The following ATL1 variants were observed in gnomAD, a reference collection of about 807,000 sequenced individuals.
ATL1 encodes the protein atlastin-1.
A neutral mutation model predicts 75.5 loss-of-function variants in ATL1; 31 were observed. That is an observed-to-expected ratio of 0.41 (90% CI 0.31 to 0.55). The LOEUF (loss-of-function observed/expected upper bound fraction) is 0.55. Ranked by LOEUF, ATL1 falls within the 20% of genes least tolerant of loss-of-function variation. The pLI is 0.27. For synonymous variants in ATL1, 226 were observed against 233.3 expected (o/e 0.97, Z 0.28); for missense variants, 405 against 662.6 (o/e 0.61, Z 4.27).
At chr14:50,586,653 G>A (rs541653680) in intron 1 of ATL1, among the ~76,000 whole-genome samples, 13 of 152,196 alleles carry the variant, frequency 8.5e-5, no homozygotes, top group African/African-American at 2.6e-4. Flanking sequence ...TAAAGCAAAC[G>A]AGCCTATGTA....
At chr14:50,586,901 G>A (rs537656513) in intron 1 of ATL1, among the ~76,000 whole-genome samples, 43 of 152,130 alleles carry the variant, frequency 2.8e-4, no homozygotes, top group Admixed American at 1.0e-3. Context: ...AATAAATACC[G>A]TACTGGAACA....
intron 13 of ATL1, among the ~76,000 whole-genome samples, chr14:50,630,401 A>C (rs2039568643): frequency 6.6e-6 from 1 of 152,238 alleles, no homozygotes; most frequent in Non-Finnish European, 1.5e-5. Context: ...CAACCTTTAG[A>C]AGTTGTTTTC....
intron 4 of ATL1, among the ~76,000 whole-genome samples, chr14:50,592,925 A>AT (rs1555364081): frequency 3.8e-4 from 40 of 104,616 alleles, no homozygotes; most frequent in African/African-American, 1.5e-3. Flanking sequence ...AAAAAAAAAA[A>AT]AAAAATATAT....
At chr14:50,564,570 A>G (rs1595582913) in intron 1 of ATL1, among the ~76,000 whole-genome samples, 1 of 142,706 alleles carries the variant, frequency 7.0e-6, no homozygotes, top group East Asian at 2.1e-4. Context: ...AATCGCTTGA[A>G]CCCGGGAGGC....
At chr14:50,573,028 A>G (rs1452188312) in intron 1 of ATL1, among the ~76,000 whole-genome samples, 1 of 152,088 alleles carries the variant, frequency 6.6e-6, no homozygotes, top group Admixed American at 6.6e-5. Flanking sequence ...CCCTTACAAA[A>G]CCATCAGATC....
At chr14:50,542,201 T>C (rs892310124) in intron 1 of ATL1, among the ~76,000 whole-genome samples, 3 of 149,558 alleles carry the variant, frequency 2.0e-5, no homozygotes, top group Admixed American at 1.4e-4. Context: ...TTACCCTGCA[T>C]GTTCTCACTC....
At position 50,632,386 on chromosome 14, in the gene ATL1, A is replaced by G; in HGVS notation, c.*47A>G. On this transcript the variant is annotated 3_prime_UTR_variant, in exon 14 of 14. Transcript: ENST00000358385. ...GTGCATGACCAATTGTCAATTAAAT[A>G]TTCAGTTTTATGTCTCCATGCAAAC... The G allele has an allele frequency of 6.3e-6, 8 of 1,268,716 alleles. No individual in the cohort carries two copies. The highest frequency in any genetic ancestry group is 9.1e-6 in the Non-Finnish European group (8 of 874,536). The allele number at this position is 1,268,716 out of a possible 1,614,324, so 78.6% of individuals were successfully genotyped here.
intron 1 of ATL1, among the ~76,000 whole-genome samples, chr14:50,539,875 G>C (rs1160777141): frequency 6.6e-6 from 1 of 152,068 alleles, no homozygotes; most frequent in Non-Finnish European, 1.5e-5. Flanking sequence ...GAATTTCCCT[G>C]GCATACTGTA....
intron 1 of ATL1, chr14:50,542,564 A>G (rs2038579276): frequency 6.6e-6 from 1 of 152,246 alleles, no homozygotes; most frequent in South Asian, 2.1e-4. Context: ...AAGAGTATAC[A>G]CTGAGGTGGC....
intron 8 of ATL1, among the ~76,000 whole-genome samples, chr14:50,615,713 T>G (rs2039408443): frequency 6.6e-6 from 1 of 152,308 alleles, no homozygotes; most frequent in Non-Finnish European, 1.5e-5. Context: ...ATTGTGCAAT[T>G]ACCTAATGGC....
At position 50,628,445 on chromosome 14, in the gene ATL1, G is replaced by A; in HGVS notation, c.1534G>A (p.Ala512Thr). 1 of 1,614,060 alleles carries A rather than the reference G, an allele frequency of 6.2e-7. No homozygotes were observed. The highest frequency in any genetic ancestry group is 1.3e-5 in the African/African-American group (1 of 75,024). Reference sequence around the variant, plus strand: ...GGGAGCTGTAATAGACCAGGTGGCTGCAGCTCTGTGGGACCAGGTAAGAAC... The same window carrying A: ...GGGAGCTGTAATAGACCAGGTGGCTACAGCTCTGTGGGACCAGGTAAGAAC... ...ELGAVIDQVAAALWDQGSTNE... is the reference protein window; with the variant it reads ...ELGAVIDQVATALWDQGSTNE... The change falls in exon 12 of 14, where the codon GCA becomes ACA. Residue 512 changes from alanine (A) to threonine (T), a missense_variant. Around this residue, in one of 5 missense-constraint regions of ATL1, gnomAD observed 163 missense variants for 244.1 expected, o/e 0.67. Transcript: ENST00000358385.
chr14:50,579,348 C>T (rs2039035701), intron 1 of ATL1, among the ~76,000 whole-genome samples: 2 of 152,132 alleles, frequency 1.3e-5, no homozygotes, highest in Non-Finnish European at 1.5e-5. Context: ...TTTGTTTATA[C>T]TTGTGATAAT....
At chr14:50,553,775 A>C (rs1367546379) in intron 1 of ATL1, among the ~76,000 whole-genome samples, 1 of 152,248 alleles carries the variant, frequency 6.6e-6, no homozygotes. Flanking sequence ...TCAGCCATAA[A>C]ACAGAACAAA....
At chr14:50,603,198 G>T (rs186211111) in intron 6 of ATL1, among the ~76,000 whole-genome samples, 45 of 152,174 alleles carry the variant, frequency 3.0e-4, no homozygotes, top group African/African-American at 9.4e-4. Flanking sequence ...TATATTTTAG[G>T]ACTATTTACA....
At chr14:50,628,557 C>T (rs1450620380) in intron 12 of ATL1, 95 bp downstream of exon 12, 1 of 1,306,994 alleles carries the variant, frequency 7.7e-7, no homozygotes, top group Non-Finnish European at 1.1e-6. Context: ...TACAGATCAA[C>T]AGGAATTGGG....
chr14:50,607,092 G>A (rs572946105), intron 6 of ATL1, among the ~76,000 whole-genome samples: 2 of 152,126 alleles, frequency 1.3e-5, no homozygotes, highest in South Asian at 4.1e-4. Context: ...AACTCAGAGT[G>A]TTGTTGAGAC....
Position 50,590,958 on chromosome 14 carries a change from T to G in ATL1, c.300T>G (p.Val100=), listed in dbSNP as rs863224772. Residue 100 remains valine (V), a synonymous_variant, in exon 3 of 14, where the codon GTT becomes GTG. Transcript: ENST00000358385. ...YMYNQESVDW[V]GDYNEPLTGF... ...TTTTATAGGAATCAGTTGATTGGGTTGGAGACTACAATGAACCATTGACTG... is the reference window on the plus strand; with the variant it reads ...TTTTATAGGAATCAGTTGATTGGGTGGGAGACTACAATGAACCATTGACTG... 7.4e-6 allele frequency: 12 copies of G among 1,613,824 alleles called. No individual in the cohort carries two copies. The highest frequency in any genetic ancestry group is 1.3e-5 in the African/African-American group (1 of 74,936).
chr14:50,545,459 A>T (rs1566707287), intron 1 of ATL1, among the ~76,000 whole-genome samples: 1 of 152,178 alleles, frequency 6.6e-6, no homozygotes, highest in Non-Finnish European at 1.5e-5. Context: ...GACGGCATCC[A>T]TGTGGGGTGA....
chr14:50,597,039 G>A (rs770617616), intron 6 of ATL1, among the ~76,000 whole-genome samples: 2 of 151,720 alleles, frequency 1.3e-5, no homozygotes, highest in Middle Eastern at 3.4e-3. Flanking sequence ...GTGAAACCCC[G>A]TCTCTACTAA....
Sources: gnomAD v4.1 joint callset for allele counts (sites outside exome capture counted in the v4.1 genomes callset) on GRCh38, gnomAD v4.1.1 for gene constraint, gnomAD v4.1.1 regional missense constraint, MANE v1.5 for transcripts, NCBI Gene and HGNC (gene_info 2026-07-23, HGNC 2026-07-21) for gene names.